Variants in RRP12 observed in about 807,000 individuals in gnomAD.
RRP12 encodes the protein RRP12-like protein.
RRP12 carries 78 observed loss-of-function variants against 157.3 expected under a neutral mutation model. The ratio of observed to expected loss-of-function variants is 0.50; its 90% CI spans 0.41 to 0.60. The LOEUF (loss-of-function observed/expected upper bound fraction) is 0.60, where lower values mean the gene tolerates loss of function less well. RRP12 is among the 20% of genes least tolerant of loss of function. RRP12 has a pLI of 0.00. For synonymous variants in RRP12, 726 were observed against 670.9 expected, an observed-to-expected ratio of 1.08 and a Z score of -1.27; for missense variants, 1,521 against 1,679.9, an observed-to-expected ratio of 0.91 and a Z score of 1.65.
chr10:97,380,575 G>A (rs1368341331), intron 13 of RRP12, among the ~76,000 whole-genome samples: 1 of 152,156 alleles, frequency 6.6e-6, no homozygotes, highest in African/African-American at 2.4e-5. Context: ...AGTAACTCCA[G>A]CAAAGACTAG....
intron 17 of RRP12, 152 bp from the exon 18 acceptor site, chr10:97,373,352 G>T: frequency 9.9e-7 from 1 of 1,008,342 alleles, no homozygotes; most frequent in Non-Finnish European, 1.4e-6. Flanking sequence ...AGCTGAGCCA[G>T]GGCATGGAGA....
chr10:97,400,546 A>G lies in RRP12; in HGVS notation c.140-12T>C, dbSNP rs778914019. ...CAGGTCACTCCTTCCTGAGAGCCAG[A>G]GGCACAAGATAAGGTCCAAGCCTCC... is the stretch of plus-strand genomic sequence containing the variant. On this transcript the variant is annotated splice_polypyrimidine_tract_variant and intron_variant, in intron 1 of 33. Transcript: ENST00000370992. The G allele has an allele frequency of 6.2e-7, 1 of 1,607,800 alleles. No homozygotes were observed. The highest frequency in any genetic ancestry group is 2.2e-5 in the East Asian group (1 of 44,852).
At chr10:97,376,212 C>CTTTTTTTTTTTTTT (rs771016888) in intron 15 of RRP12, among the ~76,000 whole-genome samples, 1 of 107,536 alleles carries the variant, frequency 9.3e-6, no homozygotes, top group African/African-American at 3.8e-5. Flanking sequence ...CTTTTACTTT[C>CTTTTTTTTTTTTTT]TTTTTTTTTT....
chr10:97,364,629 A>ATCACATAAACTCAGGACATGGAG (rs1188570933), intron 29 of RRP12, among the ~76,000 whole-genome samples: 4 of 152,228 alleles, frequency 2.6e-5, no homozygotes, highest in South Asian at 4.1e-4. Flanking sequence ...AGGCAGGAGA[A>ATCACATAAACTCAGGACATGGAG]TCACATAAAC....
In RRP12 at chr10:97,398,008, T is replaced by C. The variant is rs11812103; in HGVS notation, c.370-1707A>G. On this transcript the variant is annotated intron_variant, in intron 2 of 33. Coordinates refer to ENST00000370992, the MANE Select transcript of RRP12 (RefSeq NM_015179.4). ...AAAAAAATACGTATATATATATACA[T>C]ATATATATATATATGTATATATATA... Among the ~76,000 whole-genome samples, 81 of 54,234 alleles carry C rather than the reference T, an allele frequency of 1.5e-3. 10 individuals are homozygous for C. The highest frequency in any genetic ancestry group is 2.7e-3 in the African/African-American group (44 of 16,456). The allele number at this position is 54,234 out of a possible 152,430, so 35.6% of individuals were successfully genotyped here.
At chr10:97,358,762 CA>C in intron 32 of RRP12, 143 bp from the exon 33 acceptor site, 3 of 796,650 alleles carry the variant, frequency 3.8e-6, no homozygotes, top group Non-Finnish European at 6.4e-6. Context: ...GAAGGCCATT[CA>C]ATAAGGTCCC....
Position 97,388,621 on chromosome 10 carries a change from G to T in RRP12, c.757C>A (p.Arg253=), listed in dbSNP as rs748258177. Residue 253 remains arginine, a synonymous_variant, in exon 7 of 34, where the codon CGG becomes AGG. Transcript: ENST00000370992. ...CATACTCCATGCTGGGCAGCCTTCC[G>T]GATCTGAGGGGCAAGGAGAGCAGGA... is the stretch of plus-strand genomic sequence containing the variant. ...SFTVHPKPKI[R]KAAQHGVCSV... is the part of the protein sequence containing the mutation. 2 of 1,613,712 alleles carry T rather than the reference G, an allele frequency of 1.2e-6. No individual in the cohort carries two copies. The highest frequency in any genetic ancestry group is 2.2e-5 in the East Asian group (1 of 44,892).
rs775477070 is a variant in RRP12, at chr10:97,366,797, C to G, written c.3160G>C (p.Glu1054Gln). ...TCCTCCTCCTCCTCTTCTTCCTCCT[C>G]CACGGCAGCCTGGCTCAGGGCTCGG... is the stretch of plus-strand genomic sequence containing the variant. ...RHRALSQAAV[E>Q]EEEEEEEEEE... Residue 1054 changes from glutamate to glutamine, a missense_variant, in exon 27 of 34, where the codon GAG becomes CAG. By Grantham distance (29) the Glu-to-Gln change is conservative. Transcript: ENST00000370992. The G allele has an allele frequency of 3.7e-6, 6 of 1,614,214 alleles. No homozygotes were observed. The highest frequency in any genetic ancestry group is 5.1e-6 in the Non-Finnish European group (6 of 1,180,038).
At position 97,400,498 on chromosome 10, in the gene RRP12, T is replaced by C. The variant is rs1845114449; in HGVS notation, c.176A>G (p.His59Arg). The C allele has an allele frequency of 6.2e-7, 1 of 1,614,058 alleles. No homozygotes were observed. The highest frequency in any genetic ancestry group is 1.1e-5 in the South Asian group (1 of 91,086). Residue 59 changes from histidine to arginine, a missense_variant, in exon 2 of 34, where the codon CAT becomes CGT. Transcript: ENST00000370992. ...SDLTVDAVKL[H>R]NELQSGSLRL... ...CAAGGACCCTGACTGCAGCTCATTATGTAACTTCACAGCATCGACTGTCAG... is the reference window on the plus strand; with the variant it reads ...CAAGGACCCTGACTGCAGCTCATTACGTAACTTCACAGCATCGACTGTCAG...
In RRP12 at chr10:97,380,862, C is replaced by T; in HGVS notation, c.1470G>A (p.Val490=). The change falls in exon 13 of 34, where the codon GTG becomes GTA. Residue 490 remains valine (V), a synonymous_variant. Coordinates refer to ENST00000370992, the MANE Select transcript of RRP12 (RefSeq NM_015179.4). ...CGAAGAAGACACACAGCAGCTGCAACACGGAGCTCCAGGCCGCATGGAATT... is the reference window on the plus strand; with the variant it reads ...CGAAGAAGACACACAGCAGCTGCAATACGGAGCTCCAGGCCGCATGGAATT... ...TYKFHAAWSS[V]LQLLCVFFEA... is the part of the protein sequence containing the mutation. 1 of 1,614,234 alleles carries T rather than the reference C, an allele frequency of 6.2e-7. No homozygotes were observed. Among genetic ancestry groups the T allele is most frequent in the Middle Eastern group, 1.6e-4 (1 of 6,062 alleles).
In RRP12 at chr10:97,363,866, C is replaced by T. The variant is rs1410072773; in HGVS notation, c.3555G>A (p.Val1185=). 4 of 1,614,100 alleles carry T rather than the reference C, an allele frequency of 2.5e-6. No individual in the cohort carries two copies. Among genetic ancestry groups the T allele is most frequent in the Non-Finnish European group, 3.4e-6 (4 of 1,179,964 alleles). ...AGGAACTACTCACATTCCTGATGAT[C>T]ACATCTTCCATTGGGTCAGCCATCT... ...DEEMADPMED[V]IIRNKKHQKL... is the part of the protein sequence containing the mutation. Residue 1185 remains valine, a synonymous_variant, in exon 30 of 34, where the codon GTG becomes GTA. Transcript: ENST00000370992.
chr10:97,378,720 A>T (rs1467919245), intron 15 of RRP12, among the ~76,000 whole-genome samples: 1 of 151,986 alleles, frequency 6.6e-6, no homozygotes, highest in Non-Finnish European at 1.5e-5. Context: ...AGCCAGGTGC[A>T]GTGGTGGGTG....
Position 97,400,432 on chromosome 10 carries a change from T to C in RRP12, c.242A>G (p.Glu81Gly). ...CTCGGTGAGAACCAGCTCCGCCTCT[T>C]CTTCCATGGGCGTCTCCGGGGCTTC... The part of the protein sequence containing the change: ...KSEAPETPME[E>G]EAELVLTEKS... Residue 81 changes from glutamate (E) to glycine (G), a missense_variant, in exon 2 of 34, where the codon GAA becomes GGA. Physicochemically the swap from Glu to Gly is moderately conservative, Grantham distance 98 (BLOSUM62 -2). Coordinates refer to ENST00000370992, the MANE Select transcript of RRP12 (RefSeq NM_015179.4). The C allele has an allele frequency of 6.2e-7, 1 of 1,614,114 alleles. No homozygotes were observed. Among genetic ancestry groups the C allele is most frequent in the South Asian group, 1.1e-5 (1 of 91,066 alleles).
chr10:97,385,141 C>T, intron 10 of RRP12, 25 bp downstream of exon 10: 1 of 1,573,576 alleles, frequency 6.4e-7, no homozygotes, highest in Non-Finnish European at 8.7e-7. Flanking sequence ...GACAGAGGCC[C>T]TAAGCACCCC....
chr10:97,379,875 C>T (rs190849152), intron 13 of RRP12, 105 bp from the exon 14 acceptor site: 19 of 1,142,830 alleles, frequency 1.7e-5, no homozygotes, highest in African/African-American at 7.8e-5. Flanking sequence ...CTGGGTTCAA[C>T]GCTACACCAG....
rs1845143865 is a variant in RRP12, at chr10:97,401,324, T to C, written c.-93A>G. ...AACCCACGTGGATACCCTGTAGCCT[T>C]CACTTCCTCTTCTTCTGGCGTCACT... On this transcript the variant is annotated 5_prime_UTR_variant, in exon 1 of 34. Transcript: ENST00000370992. 2.7e-6 allele frequency: 4 copies of C among 1,477,512 alleles called. No homozygotes were observed. Among genetic ancestry groups the C allele is most frequent in the East Asian group, 4.6e-5 (2 of 43,826 alleles). 91.5% of individuals were successfully genotyped at this position (1,477,512 alleles called of 1,614,324 possible).
intron 20 of RRP12, chr10:97,371,473 A>C: frequency 4.4e-6 from 1 of 228,924 alleles, no homozygotes. Flanking sequence ...CCCAACCCCC[A>C]ACGCCGGACA....
intron 8 of RRP12, among the ~76,000 whole-genome samples, chr10:97,386,263 A>ATTT (rs60314380): frequency 1.4e-5 from 2 of 138,926 alleles, no homozygotes; most frequent in African/African-American, 5.3e-5. Flanking sequence ...TTACAGCTGT[A>ATTT]TTTTTTTTTT....
intron 11 of RRP12, 81 bp from the exon 12 acceptor site, chr10:97,381,564 G>T: frequency 7.8e-7 from 1 of 1,289,716 alleles, no homozygotes; most frequent in East Asian, 2.5e-5. Context: ...CAGTTTCCTG[G>T]GAGTCTAAGA....
Sources: allele counts gnomAD v4.1 joint callset (sites outside exome capture counted in the v4.1 genomes callset), GRCh38; gene constraint gnomAD v4.1.1; transcripts MANE v1.5; gene names NCBI Gene and HGNC (gene_info 2026-07-23, HGNC 2026-07-21).